The following WDFY1 variants were observed in gnomAD, a reference collection of about 807,000 sequenced individuals.
WDFY1 encodes the protein WD repeat and FYVE domain containing 1.
WDFY1 carries 32 observed loss-of-function variants against 56.4 expected under a neutral mutation model. That is an observed-to-expected ratio of 0.57 (90% CI 0.43 to 0.76). WDFY1 has a LOEUF of 0.76. WDFY1 is among the 30% of genes least tolerant of loss of function. WDFY1 has a pLI of 0.00. For missense variants in WDFY1, 480 were observed against 545.7 expected, an observed-to-expected ratio of 0.88 and a Z score of 1.20; for synonymous variants, 192 against 197.3, an observed-to-expected ratio of 0.97 and a Z score of 0.23.
At chr2:223,920,549 T>C (rs981235038) in intron 1 of WDFY1, among the ~76,000 whole-genome samples, 5 of 152,238 alleles carry the variant, frequency 3.3e-5, no homozygotes, top group African/African-American at 1.2e-4. Context: ...GGGTGGAACC[T>C]GCACAGCTGT....
intron 1 of WDFY1, among the ~76,000 whole-genome samples, chr2:223,944,784 G>A (rs1034214747): frequency 2.6e-5 from 4 of 151,330 alleles, no homozygotes; most frequent in Non-Finnish European, 5.9e-5. Context: ...TGGGCTGGGA[G>A]GGGCGCGGTA....
At chr2:223,931,221 A>G (rs1694066621) in intron 1 of WDFY1, among the ~76,000 whole-genome samples, 1 of 152,252 alleles carries the variant, frequency 6.6e-6, no homozygotes, top group Admixed American at 6.5e-5. Flanking sequence ...CAAAAGTGCT[A>G]ATTTGAATCC....
intron 2 of WDFY1, among the ~76,000 whole-genome samples, chr2:223,917,404 T>TA (rs1484255967): frequency 7.6e-6 from 1 of 131,236 alleles, no homozygotes; most frequent in Admixed American, 8.0e-5. Flanking sequence ...TTCATTTTCC[T>TA]ATTTTTTTTT....
At chr2:223,936,449 A>G (rs551471788) in intron 1 of WDFY1, among the ~76,000 whole-genome samples, 43 of 152,324 alleles carry the variant, frequency 2.8e-4, no homozygotes, top group African/African-American at 1.0e-3. Flanking sequence ...CTAGTTAAAG[A>G]TAGGAGATTA....
chr2:223,945,014 G>T, intron 1 of WDFY1, 134 bp downstream of exon 1: 1 of 1,053,068 alleles, frequency 9.5e-7, no homozygotes, highest in Non-Finnish European at 1.3e-6. Flanking sequence ...CGGAGCTAAG[G>T]GGCGCAGAGT....
At chr2:223,901,062 T>G in intron 5 of WDFY1, 121 bp downstream of exon 5, 2 of 1,259,184 alleles carry the variant, frequency 1.6e-6, no homozygotes, top group Non-Finnish European at 2.1e-6. Flanking sequence ...CAATTACTTT[T>G]GCACAAACTT....
At position 223,945,171 on chromosome 2, in the gene WDFY1, G is replaced by A; in HGVS notation, c.114C>T (p.Gly38=). Residue 38 remains glycine, a synonymous_variant, in exon 1 of 12, where the codon GGC becomes GGT. Transcript: ENST00000233055. ...TAALLIPKED[G]VITASEDRTI... ...ACCTGTCCTCGCTGGCCGTGATCACGCCGTCCTCCTTGGGGATGAGCAGCG... is the reference window on the plus strand; with the variant it reads ...ACCTGTCCTCGCTGGCCGTGATCACACCGTCCTCCTTGGGGATGAGCAGCG... 6.3e-7 allele frequency: 1 copy of A among 1,596,896 alleles called. No individual in the cohort carries two copies. The highest frequency in any genetic ancestry group is 2.3e-5 in the East Asian group (1 of 43,136).
chr2:223,945,111 C>A (rs758165980), intron 1 of WDFY1, 37 bp downstream of exon 1: 1 of 1,553,828 alleles, frequency 6.4e-7, no homozygotes, highest in Admixed American at 1.8e-5. Flanking sequence ...CCCGTCGTCG[C>A]GGAGTTCGGG....
At chr2:223,893,064 C>T (rs958621171) in intron 8 of WDFY1, among the ~76,000 whole-genome samples, 3 of 152,062 alleles carry the variant, frequency 2.0e-5, no homozygotes, top group African/African-American at 7.2e-5. Flanking sequence ...AGAATGGAAA[C>T]CTTGATTGGA....
intron 7 of WDFY1, among the ~76,000 whole-genome samples, chr2:223,894,781 T>C (rs1026526197): frequency 2.6e-5 from 4 of 152,032 alleles, no homozygotes; most frequent in African/African-American, 9.7e-5. Flanking sequence ...CACACACAGA[T>C]GGGGTAAAGA....
chr2:223,913,807 G>A (rs1473729674), intron 2 of WDFY1, among the ~76,000 whole-genome samples: 1 of 151,688 alleles, frequency 6.6e-6, no homozygotes. Context: ...ATTTTATGAA[G>A]CTAGACAACT....
intron 9 of WDFY1, 114 bp from the exon 10 acceptor site, chr2:223,882,186 C>T (rs534882763): frequency 4.5e-6 from 6 of 1,341,266 alleles, no homozygotes; most frequent in Non-Finnish European, 5.9e-6. Context: ...GTGATCTCGG[C>T]TCACTGCAAC....
intron 8 of WDFY1, among the ~76,000 whole-genome samples, chr2:223,886,922 A>C (rs1693183476): frequency 6.6e-6 from 1 of 151,898 alleles, no homozygotes; most frequent in African/African-American, 2.4e-5. Flanking sequence ...CTTATTTTAG[A>C]TCGGTCACTA....
At chr2:223,921,693 C>T (rs543737579) in intron 1 of WDFY1, among the ~76,000 whole-genome samples, 3 of 152,082 alleles carry the variant, frequency 2.0e-5, no homozygotes, top group African/African-American at 2.4e-5. Context: ...TGGGCTCAAG[C>T]GATCCTCCCA....
At position 223,895,577 on chromosome 2, in the gene WDFY1, C is replaced by A. The variant is rs1268099044; in HGVS notation, c.652G>T (p.Ala218Ser). 6.2e-7 allele frequency: 1 copy of A among 1,613,964 alleles called. No homozygotes were observed. Among genetic ancestry groups the A allele is most frequent in the East Asian group, 2.2e-5 (1 of 44,856 alleles). ...DPIQRLLFSG[A>S]SDNSIIMWDI... ...CACATGATGATGCTGTTGTCAGATGCTCCTGAGAAGAGTAACCGCTGAATA... is the reference window on the plus strand; with the variant it reads ...CACATGATGATGCTGTTGTCAGATGATCCTGAGAAGAGTAACCGCTGAATA... The change falls in exon 7 of 12, where the codon GCA becomes TCA. Residue 218 changes from alanine (A) to serine (S), a missense_variant. Physicochemically the swap from Ala to Ser is moderately conservative, Grantham distance 99. Transcript: ENST00000233055.
At chr2:223,928,487 A>G (rs1217370083) in intron 1 of WDFY1, among the ~76,000 whole-genome samples, 1 of 152,216 alleles carries the variant, frequency 6.6e-6, no homozygotes, top group Non-Finnish European at 1.5e-5. Flanking sequence ...CTGGCAGAAC[A>G]GCAGGATACC....
chr2:223,909,221 C>T (rs1024736201), intron 3 of WDFY1, among the ~76,000 whole-genome samples: 1 of 152,142 alleles, frequency 6.6e-6, no homozygotes, highest in Non-Finnish European at 1.5e-5. Context: ...TGGCATAGAG[C>T]CGGGGAATCT....
chr2:223,881,681 G>A (rs1451422438), intron 10 of WDFY1, among the ~76,000 whole-genome samples: 1 of 151,992 alleles, frequency 6.6e-6, no homozygotes, highest in African/African-American at 2.4e-5. Flanking sequence ...CCAGCTACTC[G>A]GGTGGCTGAG....
intron 1 of WDFY1, 135 bp downstream of exon 1, chr2:223,945,013 G>A (rs1689385103): frequency 9.5e-7 from 1 of 1,050,036 alleles, no homozygotes; most frequent in South Asian, 1.8e-5. Flanking sequence ...GCGGAGCTAA[G>A]GGGCGCAGAG....
Sources: allele counts gnomAD v4.1 joint callset (sites outside exome capture counted in the v4.1 genomes callset), GRCh38; gene constraint gnomAD v4.1.1; transcripts MANE v1.5; gene names NCBI Gene and HGNC (gene_info 2026-07-23, HGNC 2026-07-21).